The following ME1 variants were observed in gnomAD, a reference collection of about 807,000 sequenced individuals.
The protein encoded by ME1 is NADP-dependent malic enzyme.
In ME1, 74 loss-of-function variants were observed where a neutral mutation model predicts 66.4. That is an observed-to-expected ratio of 1.11 (90% CI 0.92 to 1.35). ME1 has a LOEUF of 1.35. Among genes scored for constraint, ME1 ranks in the 40% most tolerant of loss-of-function variants. The pLI, the probability that ME1 is intolerant of heterozygous loss-of-function variation, is 0.00. For missense variants in ME1, 750 were observed against 694.1 expected (o/e 1.08, Z -0.90); for synonymous variants, 251 against 235.6 (o/e 1.07, Z -0.60).
At chr6:83,228,408 G>A (rs145192021) in intron 10 of ME1, among the ~76,000 whole-genome samples, 5 of 152,186 alleles carry the variant, frequency 3.3e-5, no homozygotes, top group South Asian at 2.1e-4. Context: ...GAATCATTCC[G>A]CTGCCTCTAT....
At chr6:83,383,159 C>T (rs1239746158) in intron 3 of ME1, among the ~76,000 whole-genome samples, 1 of 151,770 alleles carries the variant, frequency 6.6e-6, no homozygotes, top group Non-Finnish European at 1.5e-5. Flanking sequence ...TACACACACA[C>T]ATATATACTA....
At chr6:83,233,938 T>C (rs1389395170) in intron 9 of ME1, among the ~76,000 whole-genome samples, 3 of 152,022 alleles carry the variant, frequency 2.0e-5, no homozygotes, top group African/African-American at 7.2e-5. Context: ...ATCTTTTATA[T>C]TAAATAGTGT....
intron 1 of ME1, among the ~76,000 whole-genome samples, chr6:83,408,436 A>C (rs1769987354): frequency 6.6e-6 from 1 of 152,010 alleles, no homozygotes; most frequent in Non-Finnish European, 1.5e-5. Flanking sequence ...CATACATACC[A>C]CACCCTTTTA....
intron 7 of ME1, among the ~76,000 whole-genome samples, chr6:83,248,717 G>T (rs1360230692): frequency 1.3e-5 from 2 of 152,164 alleles, no homozygotes; most frequent in Non-Finnish European, 2.9e-5. Flanking sequence ...GCTGCCTTGT[G>T]AAGAAGGTGC....
chr6:83,331,919 G>A (rs866304006), intron 5 of ME1, among the ~76,000 whole-genome samples: 1 of 152,086 alleles, frequency 6.6e-6, no homozygotes, highest in South Asian at 2.1e-4. Context: ...ATTATTTTTA[G>A]TCAAATAGCA....
At position 83,237,712 on chromosome 6, in the gene ME1, C is replaced by T; in HGVS notation, c.1026+5G>A. ...TTATTCTGGTTAAAAATGACAAATT[C>T]TTACCTTAACTATTAATCCTTTTGA... On this transcript the variant is annotated splice_donor_5th_base_variant and intron_variant, in intron 9 of 13. Transcript: ENST00000369705. 1.3e-6 allele frequency: 2 copies of T among 1,532,856 alleles called. No individual in the cohort carries two copies. The highest frequency in any genetic ancestry group is 1.8e-6 in the Non-Finnish European group (2 of 1,118,392). The allele number at this position is 1,532,856 out of a possible 1,614,324, so 95.0% of individuals were successfully genotyped here.
intron 5 of ME1, among the ~76,000 whole-genome samples, chr6:83,327,613 A>T (rs1768324549): frequency 6.6e-6 from 1 of 152,194 alleles, no homozygotes; most frequent in African/African-American, 2.4e-5. Context: ...TCTCCTGATA[A>T]GATGTTATCA....
At chr6:83,395,145 A>C (rs1167363930) in intron 3 of ME1, among the ~76,000 whole-genome samples, 3 of 151,582 alleles carry the variant, frequency 2.0e-5, no homozygotes, top group African/African-American at 4.8e-5. Flanking sequence ...GCTGGAGTGC[A>C]GTAGCAATCT....
chr6:83,282,400 C>T (rs2128533279), intron 6 of ME1, among the ~76,000 whole-genome samples: 1 of 152,294 alleles, frequency 6.6e-6, no homozygotes, highest in Non-Finnish European at 1.5e-5. Flanking sequence ...CTACAAAGAA[C>T]TTAAACAAAC....
In ME1 at chr6:83,407,808, C is replaced by T. The variant is rs773546296; in HGVS notation, c.172G>A (p.Val58Ile). 1.2e-6 allele frequency: 2 copies of T among 1,611,672 alleles called. No homozygotes were observed. Among genetic ancestry groups the T allele is most frequent in the South Asian group, 2.2e-5 (2 of 90,434 alleles). ...FNSQEIQVLR[V>I]VKNFEHLNSD... ...TTCAGATGCTCGAAATTTTTTACTA[C>T]TCTAAGAACCTGGATCTCCTGACTG... Residue 58 changes from valine (V) to isoleucine (I), a missense_variant, in exon 2 of 14, where the codon GTA (valine) becomes ATA (isoleucine). Physicochemically the swap from Val to Ile is conservative, Grantham distance 29. Transcript: ENST00000369705.
intron 6 of ME1, among the ~76,000 whole-genome samples, chr6:83,304,561 T>C (rs1767791312): frequency 6.6e-6 from 1 of 152,188 alleles, no homozygotes; most frequent in Non-Finnish European, 1.5e-5. Context: ...TTACCATGTA[T>C]ATACAGAATA....
rs189469586 is a variant in ME1 at position 83,369,970 on chromosome 6, G to A, written c.363-17831C>T. On this transcript the variant is annotated intron_variant, in intron 3 of 13. Transcript: ENST00000369705. Reference sequence around the variant, plus strand: ...CCCTTTAGGGGTTCCTTTAGGAAAGGTTTTAAAAGGATGCAGCGGAGAAGA... The same window carrying A: ...CCCTTTAGGGGTTCCTTTAGGAAAGATTTTAAAAGGATGCAGCGGAGAAGA... Among the ~76,000 whole-genome samples, 157 of 152,224 alleles carry A rather than the reference G, an allele frequency of 1.0e-3. 3 individuals carry two copies. The highest frequency in any genetic ancestry group is 3.1e-4 in the Non-Finnish European group (21 of 67,966).
At chr6:83,374,140 TG>T (rs1769243283) in intron 3 of ME1, among the ~76,000 whole-genome samples, 1 of 152,208 alleles carries the variant, frequency 6.6e-6, no homozygotes, top group Admixed American at 6.5e-5. Context: ...CTGGGTCAAA[TG>T]GTATTTCTGG....
intron 1 of ME1, among the ~76,000 whole-genome samples, chr6:83,419,010 G>C (rs552635440): frequency 2.0e-5 from 3 of 152,154 alleles, no homozygotes; most frequent in African/African-American, 7.2e-5. Context: ...CAGGGAAAGC[G>C]TAGGGAAGGA....
At chr6:83,259,183 T>C (rs1057506827) in intron 6 of ME1, among the ~76,000 whole-genome samples, 1 of 152,178 alleles carries the variant, frequency 6.6e-6, no homozygotes, top group African/African-American at 2.4e-5. Flanking sequence ...ACTTTAGCTC[T>C]GATGAGTACC....
At chr6:83,388,596 A>G (rs1222250157) in intron 3 of ME1, among the ~76,000 whole-genome samples, 2 of 152,206 alleles carry the variant, frequency 1.3e-5, no homozygotes, top group Non-Finnish European at 2.9e-5. Context: ...CTCACAAAAT[A>G]GGTTATTATT....
At chr6:83,374,366 T>C (rs988474568) in intron 3 of ME1, among the ~76,000 whole-genome samples, 1 of 152,264 alleles carries the variant, frequency 6.6e-6, no homozygotes, top group African/African-American at 2.4e-5. Context: ...TGTTGAGCTT[T>C]TTTCATATGT....
chr6:83,238,558 A>T (rs538781125), intron 8 of ME1, among the ~76,000 whole-genome samples: 1 of 152,202 alleles, frequency 6.6e-6, no homozygotes, highest in African/African-American at 2.4e-5. Context: ...AGAGAACTCA[A>T]ATGTTAATGA....
In ME1 at chr6:83,430,935, C is replaced by CG. The variant is rs770202820; in HGVS notation, c.19dup (p.Arg7ProfsTer51). The CG allele has an allele frequency of 4.8e-5, 76 of 1,587,668 alleles. No homozygotes were observed. The highest frequency in any genetic ancestry group is 1.7e-4 in the Admixed American group (10 of 57,188). On this transcript the variant is annotated frameshift_variant, in exon 1 of 14. Transcript: ENST00000369705. LOFTEE classifies it high-confidence loss of function. ...GCCGCGCTGATGGGTGTGGCGGCGACGGGGGGCTTCGGGCTCCATGGCTGG... is the reference window on the plus strand; with the variant it reads ...GCCGCGCTGATGGGTGTGGCGGCGACGGGGGGGCTTCGGGCTCCATGGCTGG...
Sources: gnomAD v4.1 joint callset for allele counts (sites outside exome capture counted in the v4.1 genomes callset) on GRCh38, gnomAD v4.1.1 for gene constraint, MANE v1.5 for transcripts, NCBI Gene and HGNC (gene_info 2026-07-23, HGNC 2026-07-21) for gene names.